SLC24A3: variants seen among roughly 807,000 people sequenced by gnomAD.
SLC24A3 encodes the protein sodium/potassium/calcium exchanger 3.
SLC24A3 carries 28 observed loss-of-function variants against 75.8 expected under a neutral mutation model. That is an observed-to-expected ratio of 0.37 (90% CI 0.27 to 0.51). The LOEUF (loss-of-function observed/expected upper bound fraction) is 0.51. SLC24A3 is among the 20% of genes least tolerant of loss of function. SLC24A3 has a pLI of 0.94. For synonymous variants in SLC24A3, 372 were observed against 334.1 expected (o/e 1.11, Z -1.24); for missense variants, 663 against 847.8 (o/e 0.78, Z 2.71).
chr20:19,441,533 A>C (rs1600231267), intron 2 of SLC24A3, among the ~76,000 whole-genome samples: 1 of 152,182 alleles, frequency 6.6e-6, no homozygotes, highest in East Asian at 1.9e-4. Flanking sequence ...TTTTAAGAGT[A>C]GTTTTAGAGT....
intron 3 of SLC24A3, among the ~76,000 whole-genome samples, chr20:19,559,042 A>G (rs1485649107): frequency 6.6e-6 from 1 of 152,200 alleles, no homozygotes; most frequent in Admixed American, 6.5e-5. Context: ...GTAAGAAACT[A>G]CCAAACTGTT....
At chr20:19,544,488 G>A (rs1462364724) in intron 3 of SLC24A3, among the ~76,000 whole-genome samples, 3 of 152,174 alleles carry the variant, frequency 2.0e-5, no homozygotes, top group Admixed American at 2.0e-4. Context: ...TCTAGCGCTT[G>A]TGTACAGATG....
intron 2 of SLC24A3, among the ~76,000 whole-genome samples, chr20:19,463,396 T>A (rs6081604): frequency 0.44 from 67,686 of 152,156 alleles, 17,657 homozygotes; most frequent in Non-Finnish European, 0.57. Context: ...GGTGAAATAA[T>A]GTCACAGGCT....
chr20:19,288,537 T>C (rs1437439019), intron 2 of SLC24A3, among the ~76,000 whole-genome samples: 1 of 152,246 alleles, frequency 6.6e-6, no homozygotes, highest in East Asian at 1.9e-4. Flanking sequence ...TTTGTGGATC[T>C]ATTTGTAAAG....
rs142096881 is a variant in SLC24A3, at chr20:19,438,127, T to G, written c.272-77361T>G. On this transcript the variant is annotated intron_variant, in intron 2 of 16. Coordinates refer to ENST00000328041, the MANE Select transcript of SLC24A3 (RefSeq NM_020689.4). ...CTGTGTTTTTGAAAATGTGAAATGATAAGTGAGAAAATGAAGTGAATCAAG... is the reference window on the plus strand; with the variant it reads ...CTGTGTTTTTGAAAATGTGAAATGAGAAGTGAGAAAATGAAGTGAATCAAG... Among the ~76,000 whole-genome samples, 42 of 152,246 alleles carry G rather than the reference T, an allele frequency of 2.8e-4. No individual in the cohort carries two copies. In the East Asian group the frequency reaches 7.7e-3, roughly 28 times the overall value.
At chr20:19,673,362 G>A (rs2032490203) in intron 8 of SLC24A3, among the ~76,000 whole-genome samples, 1 of 152,196 alleles carries the variant, frequency 6.6e-6, no homozygotes. Flanking sequence ...GCTCTTTTAG[G>A]TGACAAATAA....
chr20:19,445,117 C>A (rs572261676), intron 2 of SLC24A3, among the ~76,000 whole-genome samples: 1 of 152,312 alleles, frequency 6.6e-6, no homozygotes, highest in Non-Finnish European at 1.5e-5. Flanking sequence ...ATATCTGCTT[C>A]ATCTCTTTAT....
intron 2 of SLC24A3, among the ~76,000 whole-genome samples, chr20:19,490,883 A>G (rs1469514463): frequency 6.6e-6 from 1 of 152,224 alleles, no homozygotes; most frequent in East Asian, 1.9e-4. Context: ...GCTGGCTTGC[A>G]GGAAACAATT....
intron 2 of SLC24A3, among the ~76,000 whole-genome samples, chr20:19,510,523 C>T (rs1044875581): frequency 6.6e-6 from 1 of 152,218 alleles, no homozygotes; most frequent in Admixed American, 6.5e-5. Flanking sequence ...TTTGTTCCCA[C>T]TTCCCAGATT....
chr20:19,222,809 C>CTTCCTTCCTTCCTTCCTTCCTTCCTTCT (rs1981761181), intron 1 of SLC24A3, among the ~76,000 whole-genome samples: 1 of 144,034 alleles, frequency 6.9e-6, no homozygotes. Flanking sequence ...TCCTTCCTTC[C>CTTCCTTCCTTCCTTCCTTCCTTCCTTCT]TTCCTTCGTT....
At chr20:19,473,331 G>T (rs1197374554) in intron 2 of SLC24A3, among the ~76,000 whole-genome samples, 1 of 152,174 alleles carries the variant, frequency 6.6e-6, no homozygotes, top group African/African-American at 2.4e-5. Flanking sequence ...ACAGAGGCTT[G>T]GGGTTTATGG....
intron 2 of SLC24A3, among the ~76,000 whole-genome samples, chr20:19,412,806 A>G (rs539888925): frequency 6.6e-6 from 1 of 152,362 alleles, no homozygotes; most frequent in East Asian, 1.9e-4. Flanking sequence ...TCATTTGTGC[A>G]GTAACAGCTG....
intron 2 of SLC24A3, among the ~76,000 whole-genome samples, chr20:19,426,709 C>G (rs1042608938): frequency 1.3e-5 from 2 of 152,132 alleles, no homozygotes; most frequent in African/African-American, 4.8e-5. Context: ...CACTCACTAC[C>G]GGCTGTACCA....
At chr20:19,546,179 A>C (rs915834291) in intron 3 of SLC24A3, among the ~76,000 whole-genome samples, 27 of 147,454 alleles carry the variant, frequency 1.8e-4, no homozygotes, top group Admixed American at 3.4e-4. Context: ...AAAAAAAAAA[A>C]AAAAAAAAAC....
At chr20:19,275,023 G>A (rs892046943) in intron 1 of SLC24A3, among the ~76,000 whole-genome samples, 2 of 152,226 alleles carry the variant, frequency 1.3e-5, no homozygotes, top group Non-Finnish European at 1.5e-5. Context: ...GGCTTTACAA[G>A]ACTCAGTTTC....
At chr20:19,271,289 A>G (rs1335957989) in intron 1 of SLC24A3, among the ~76,000 whole-genome samples, 2 of 152,076 alleles carry the variant, frequency 1.3e-5, no homozygotes, top group Non-Finnish European at 2.9e-5. Context: ...ACAGTGTGAT[A>G]CTACCTTACT....
intron 6 of SLC24A3, among the ~76,000 whole-genome samples, chr20:19,651,528 A>G (rs2032202886): frequency 6.6e-6 from 1 of 151,572 alleles, no homozygotes; most frequent in African/African-American, 2.4e-5. Flanking sequence ...TTTATTGTGC[A>G]CTCAATGAAA....
At chr20:19,261,017 G>A (rs1982970094) in intron 1 of SLC24A3, among the ~76,000 whole-genome samples, 2 of 152,172 alleles carry the variant, frequency 1.3e-5, no homozygotes, top group African/African-American at 4.8e-5. Context: ...ACTTTCTATA[G>A]CCCCTCAGAA....
chr20:19,271,604 A>G (rs1236214109), intron 1 of SLC24A3, among the ~76,000 whole-genome samples: 3 of 152,252 alleles, frequency 2.0e-5, no homozygotes, highest in African/African-American at 4.8e-5. Flanking sequence ...CCATCAACCA[A>G]TGAGTGGATA....
Sources: allele counts gnomAD v4.1 joint callset (sites outside exome capture counted in the v4.1 genomes callset), GRCh38; gene constraint gnomAD v4.1.1; transcripts MANE v1.5; gene names NCBI Gene and HGNC (gene_info 2026-07-23, HGNC 2026-07-21).